RDX: variants seen among roughly 807,000 people sequenced by gnomAD.
The protein encoded by RDX is radixin.
In RDX, 32 loss-of-function variants were observed where a neutral mutation model predicts 83.7. The ratio of observed to expected loss-of-function variants is 0.38; its 90% confidence interval spans 0.29 to 0.51. The LOEUF is 0.51. RDX is among the 20% of genes least tolerant of loss of function. The pLI, the probability that RDX is intolerant of heterozygous loss-of-function variation, is 0.87. For missense variants in RDX, 600 were observed against 689.9 expected (o/e 0.87, Z 1.46); for synonymous variants, 229 against 222.7 (o/e 1.03, Z -0.25).
intron 5 of RDX, among the ~76,000 whole-genome samples, chr11:110,258,555 T>C (rs903472949): frequency 3.9e-5 from 6 of 152,180 alleles, no homozygotes. Context: ...CTTAAATTCC[T>C]TGAAATAATA....
rs78866922 is a variant in RDX, at chr11:110,276,681, G to A, written c.12+3000C>T. Among the ~76,000 whole-genome samples the A allele has an allele frequency of 6.1e-3, 922 of 152,232 alleles. 5 individuals carry two copies. Among genetic ancestry groups the A allele is most frequent in the South Asian group, 0.012 (56 of 4,822 alleles). On this transcript the variant is annotated intron_variant, in intron 2 of 13. Transcript: ENST00000645495. ...ACTTTCAAAATCTTTTGAAAGAAGT[G>A]CTTATAATTTGCTCCATATAAATCA...
At chr11:110,288,574 A>G (rs995809425) in intron 1 of RDX, among the ~76,000 whole-genome samples, 2 of 152,222 alleles carry the variant, frequency 1.3e-5, no homozygotes. Flanking sequence ...GAAACATCAG[A>G]TATTATAGCT....
At position 110,254,107 on chromosome 11, in the gene RDX, A is replaced by C. The variant is rs1859446958; in HGVS notation, c.798T>G (p.Asp266Glu). 3 of 1,612,784 alleles carry C rather than the reference A, an allele frequency of 1.9e-6. No homozygotes were observed. Among genetic ancestry groups the C allele is most frequent in the South Asian group, 2.2e-5 (2 of 91,058 alleles). The stretch of plus-strand genomic sequence containing the variant: ...TCAGACGAGGTGCATAAAACACAAA[A>C]TCCTAAACATAAAGTATTCTGAATT... ...VIKPIDKKAP[D>E]FVFYAPRLRI... The change falls in exon 9 of 14, where the codon GAT (aspartate) becomes GAG (glutamate). Residue 266 changes from aspartate to glutamate, a missense_variant and splice_region_variant. Transcript: ENST00000645495.
chr11:110,225,737 C>T (rs565076648), downstream of RDX, among the ~76,000 whole-genome samples: 4 of 152,158 alleles, frequency 2.6e-5, no homozygotes, highest in South Asian at 4.1e-4. Context: ...GAAAATATTA[C>T]GACAATTCCT....
chr11:110,258,286 T>C lies in RDX; in HGVS notation c.468-97A>G, dbSNP rs561586558. ...AATCCTTTCAGTAACTTGACTGTGG[T>C]AGTTGTCAGACAATTAATACACATG... On this transcript the variant is annotated intron_variant, in intron 5 of 13. Transcript: ENST00000645495. 112 of 774,462 alleles carry C rather than the reference T, an allele frequency of 1.4e-4. No individual in the cohort carries two copies. The Middle Eastern group carries it at 5.1e-3, about 35-fold the overall frequency. The allele number at this position is 774,462 out of a possible 1,614,324, so 48.0% of individuals were successfully genotyped here. A position where few individuals can be genotyped will look rare whatever the true frequency, so the allele number is the denominator to read the frequency against.
intron 7 of RDX, 92 bp downstream of exon 7, chr11:110,257,675 G>T: frequency 7.6e-7 from 1 of 1,319,630 alleles, no homozygotes; most frequent in Non-Finnish European, 1.1e-6. Flanking sequence ...GGGTAATCAA[G>T]ACAAGAAACT....
intron 15 of RDX, among the ~76,000 whole-genome samples, chr11:110,188,904 A>T (rs1863042811): frequency 1.3e-5 from 2 of 152,204 alleles, no homozygotes; most frequent in African/African-American, 4.8e-5. Context: ...ACACTCTTAC[A>T]TACATGGCTC....
At chr11:110,180,715 A>G (rs1862870280) in intron 15 of RDX, among the ~76,000 whole-genome samples, 1 of 149,012 alleles carries the variant, frequency 6.7e-6, no homozygotes, top group African/African-American at 2.5e-5. Context: ...CAGTGGTGCG[A>G]TCTCGGCTAA....
intron 12 of RDX, among the ~76,000 whole-genome samples, chr11:110,235,745 T>C (rs1003391643): frequency 2.0e-5 from 3 of 152,226 alleles, no homozygotes; most frequent in Non-Finnish European, 2.9e-5. Flanking sequence ...ACATTCATAC[T>C]TCCTATACTC....
chr11:110,233,627 G>T, intron 12 of RDX, 148 bp from the exon 13 acceptor site: 1 of 789,612 alleles, frequency 1.3e-6, no homozygotes, highest in South Asian at 1.7e-5. Flanking sequence ...ATAAAAGAAT[G>T]TCAACAGGTA....
At chr11:110,223,538 A>G (rs995327456) in intron 14 of RDX, among the ~76,000 whole-genome samples, 6 of 152,116 alleles carry the variant, frequency 3.9e-5, no homozygotes, top group African/African-American at 1.2e-4. Context: ...AAAAAAATAA[A>G]TAAAATAAAG....
intron 1 of RDX, among the ~76,000 whole-genome samples, chr11:110,291,414 T>C (rs964309346): frequency 3.3e-5 from 5 of 152,130 alleles, no homozygotes; most frequent in African/African-American, 1.2e-4. Flanking sequence ...GGAACAGAGT[T>C]GGAAGAAAGG....
chr11:110,232,100 C>A, intron 13 of RDX, 67 bp from the exon 14 acceptor site: 1 of 1,242,860 alleles, frequency 8.0e-7, no homozygotes, highest in South Asian at 1.3e-5. Flanking sequence ...ATGAAAATGG[C>A]TTTAAGATGC....
intron 13 of RDX, among the ~76,000 whole-genome samples, chr11:110,232,931 C>A (rs1864698557): frequency 6.6e-6 from 1 of 152,172 alleles, no homozygotes; most frequent in South Asian, 2.1e-4. Flanking sequence ...GTACATATTA[C>A]TGATCAAAAA....
At chr11:110,176,051 C>A (rs552194338) in intron 15 of RDX, among the ~76,000 whole-genome samples, 1 of 151,220 alleles carries the variant, frequency 6.6e-6, no homozygotes, top group Non-Finnish European at 1.5e-5. Flanking sequence ...TGGGTGAGGG[C>A]GCACCAGCAC....
chr11:110,261,410 G>C (rs193293753), intron 5 of RDX, among the ~76,000 whole-genome samples: 14 of 152,316 alleles, frequency 9.2e-5, no homozygotes, highest in African/African-American at 3.4e-4. Context: ...CTTTTCTACA[G>C]TAAGAACAGA....
intron 14 of RDX, among the ~76,000 whole-genome samples, chr11:110,215,814 T>C (rs916183870): frequency 5.9e-5 from 9 of 152,238 alleles, no homozygotes; most frequent in African/African-American, 1.9e-4. Context: ...AGTTTGCCAC[T>C]GTGGTTGTCC....
chr11:110,175,782 A>G (rs1043773928), intron 15 of RDX, among the ~76,000 whole-genome samples: 1 of 152,288 alleles, frequency 6.6e-6, no homozygotes, highest in African/African-American at 2.4e-5. Context: ...TTTGGTAACT[A>G]CATGAAAAGC....
chr11:110,192,414 G>C (rs2041997843), intron 15 of RDX, among the ~76,000 whole-genome samples: 1 of 152,160 alleles, frequency 6.6e-6, no homozygotes, highest in Admixed American at 6.5e-5. Context: ...TTAAATGTAA[G>C]ACCTCAAATT....
Sources: gnomAD v4.1 joint callset for allele counts (sites outside exome capture counted in the v4.1 genomes callset) on GRCh38, gnomAD v4.1.1 for gene constraint, MANE v1.5 for transcripts, NCBI Gene and HGNC (gene_info 2026-07-23, HGNC 2026-07-21) for gene names.